OXNAD1: variants seen among roughly 807,000 people sequenced by gnomAD.
The protein encoded by OXNAD1 is oxidoreductase NAD binding domain containing 1.
A neutral mutation model predicts 32.9 loss-of-function variants in OXNAD1; 34 were observed. That is an observed-to-expected ratio of 1.03 (90% CI 0.79 to 1.38). The LOEUF is 1.38. OXNAD1 is among the 40% of genes most tolerant of loss of function. The pLI is 0.00. For synonymous variants in OXNAD1, 134 were observed against 135.2 expected (o/e 0.99, Z 0.06); for missense variants, 407 against 379.4 (o/e 1.07, Z -0.60).
rs148689519 is a variant in OXNAD1, at chr3:16,335,359, C to A, written c.*31-1753C>A. ...GGAAGGAATCAGCCCTTGGACAATC[C>A]TGCATGGGAAACAGGCTTAAGAAGG... On this transcript the variant is annotated intron_variant, in intron 9 of 9. Coordinates refer to the OXNAD1 transcript ENST00000435829. This position sits in a 1 kb window ranked among gnomAD's most constrained non-coding sequence, Gnocchi z 4.7. 1.1e-3 allele frequency among the ~76,000 whole-genome samples: 170 copies of A among 152,306 alleles called. No homozygotes were observed. The highest frequency in any genetic ancestry group is 3.9e-3 in the African/African-American group (163 of 41,558).
rs1306183665 is a variant in OXNAD1, at chr3:16,295,477, ACT to A, written c.432+482_432+483del. 4.6e-5 allele frequency among the ~76,000 whole-genome samples: 7 copies of A among 152,168 alleles called. No individual in the cohort carries two copies. In the East Asian group the frequency reaches 1.4e-3, roughly 29 times the overall value. ...TATTTCAGTGTCTGGAAAGCTCTTC[ACT>A]CGGGATTCTGAGAGAGAATCCAATT... On this transcript the variant is annotated intron_variant, in intron 6 of 8. Coordinates refer to ENST00000285083, the MANE Select transcript of OXNAD1 (RefSeq NM_138381.5).
intron 5 of OXNAD1, among the ~76,000 whole-genome samples, chr3:16,286,844 T>G (rs973435281): frequency 1.3e-5 from 2 of 152,234 alleles, no homozygotes; most frequent in African/African-American, 2.4e-5. Flanking sequence ...AAAAGTAGTC[T>G]TCTTCGTGTC....
Position 16,349,214 on chromosome 3 carries a change from A to G in OXNAD1, c.*69A>G, listed in dbSNP as rs537374627. ...GCGGCCATCTCCAGAGACAAGAAGAAAAAGAATTTCAGAGGCTCAGAGGAA... is the reference window on the plus strand; with the variant it reads ...GCGGCCATCTCCAGAGACAAGAAGAGAAAGAATTTCAGAGGCTCAGAGGAA... On this transcript the variant is annotated 3_prime_UTR_variant, in exon 10 of 10. Transcript: ENST00000606098. 4.6e-5 allele frequency: 7 copies of G among 152,378 alleles called. No individual in the cohort carries two copies. In the East Asian group the frequency reaches 1.3e-3, roughly 29 times the overall value. 9.4% of individuals were successfully genotyped at this position (152,378 alleles called of 1,614,324 possible). A position where few individuals can be genotyped will look rare whatever the true frequency, so the allele number is the denominator to read the frequency against.
At position 16,304,200 on chromosome 3, in the gene OXNAD1, C is replaced by G. The variant is rs2067386920; in HGVS notation, c.*638C>G. ...TCCTGACTAATTGTTAGTTTCTTCT[C>G]AAATGAAACCCTTTCTGTGTCTTGG... is the stretch of plus-strand genomic sequence containing the variant. On this transcript the variant is annotated 3_prime_UTR_variant, in exon 9 of 9. Coordinates refer to ENST00000285083, the MANE Select transcript of OXNAD1 (RefSeq NM_138381.5). The surrounding 1 kb of genome is among the most constrained non-coding windows in gnomAD (Gnocchi z 4.6). The G allele has an allele frequency of 1.3e-5, 2 of 152,236 alleles. No homozygotes were observed. Among genetic ancestry groups the G allele is most frequent in the Admixed American group, 1.3e-4 (2 of 15,276 alleles). The allele number at this position is 152,236 out of a possible 1,614,324, so 9.4% of individuals were successfully genotyped here. A position where few individuals can be genotyped will look rare whatever the true frequency, so the allele number is the denominator to read the frequency against.
At chr3:16,347,161 C>T (rs991950043) in intron 9 of OXNAD1, among the ~76,000 whole-genome samples, 2 of 152,208 alleles carry the variant, frequency 1.3e-5, no homozygotes, top group African/African-American at 4.8e-5. Context: ...CACTATGGCT[C>T]CCTTCAACCC....
intron 9 of OXNAD1, among the ~76,000 whole-genome samples, chr3:16,326,352 C>A (rs1051801196): frequency 2.0e-5 from 3 of 152,230 alleles, no homozygotes; most frequent in African/African-American, 7.2e-5. Flanking sequence ...TCCTCAGCTG[C>A]AAAATGGGTT....
rs375946247 is a variant in OXNAD1 at position 16,316,814 on chromosome 3, A to C, written c.*30+13222A>C. 1.2e-4 allele frequency: 188 copies of C among 1,613,150 alleles called. No individual in the cohort carries two copies. The highest frequency in any genetic ancestry group is 1.5e-4 in the Non-Finnish European group (180 of 1,179,888). ...TTGGCAACTCACCTAGTTTTAGCAC[A>C]AATTGCCCAAGACTCAGTTTTCTTC... On this transcript the variant is annotated intron_variant, in intron 9 of 9. Transcript: ENST00000435829. This position sits in a 1 kb window ranked among gnomAD's most constrained non-coding sequence, Gnocchi z 4.5.
downstream of OXNAD1, among the ~76,000 whole-genome samples, chr3:16,309,127 A>T (rs972170932): frequency 5.3e-5 from 8 of 152,172 alleles, no homozygotes; most frequent in African/African-American, 1.9e-4. Flanking sequence ...GTACCTATAC[A>T]ACTATGTCTC....
intron 5 of OXNAD1, among the ~76,000 whole-genome samples, chr3:16,293,176 A>G (rs1394847862): frequency 2.0e-5 from 3 of 152,198 alleles, no homozygotes; most frequent in Non-Finnish European, 4.4e-5. Context: ...GCTTCCATTT[A>G]CTTAGATCTT....
chr3:16,337,036 G>C lies in OXNAD1; in HGVS notation c.*31-76G>C, dbSNP rs1358826761. 1 of 152,202 alleles carries C rather than the reference G, an allele frequency of 6.6e-6. No homozygotes were observed. Among genetic ancestry groups the C allele is most frequent in the Non-Finnish European group, 1.5e-5 (1 of 68,054 alleles). 9.4% of individuals were successfully genotyped at this position (152,202 alleles called of 1,614,324 possible). On this transcript the variant is annotated intron_variant, in intron 9 of 9. Coordinates refer to the OXNAD1 transcript ENST00000435829. The surrounding 1 kb of genome is among the most constrained non-coding windows in gnomAD (Gnocchi z 5.0). ...TCTTGGGACTTGCTCTGACAAATAG[G>C]ATATGGCAGATGTGACATTACGGTC...
chr3:16,333,412 A>T (rs890532769), intron 9 of OXNAD1, among the ~76,000 whole-genome samples: 1 of 152,248 alleles, frequency 6.6e-6, no homozygotes, highest in Non-Finnish European at 1.5e-5. Flanking sequence ...GATTACAATA[A>T]ATTTTAGTAA....
intron 4 of OXNAD1, among the ~76,000 whole-genome samples, chr3:16,278,050 A>G (rs2065471063): frequency 6.6e-6 from 1 of 152,184 alleles, no homozygotes; most frequent in Non-Finnish European, 1.5e-5. Context: ...ACTGAGCAAT[A>G]TATGCTCTGT....
rs898506428 is a variant in OXNAD1, at chr3:16,322,343, T to C, written c.*31-14769T>C. Among the ~76,000 whole-genome samples, 3 of 152,244 alleles carry C rather than the reference T, an allele frequency of 2.0e-5. No homozygotes were observed. The highest frequency in any genetic ancestry group is 6.5e-5 in the Admixed American group (1 of 15,286). The stretch of plus-strand genomic sequence containing the variant: ...CACAAGTGGGCTCCCCCTGGAGTTG[T>C]TGGCTGGTGAGGGGCTGCTCCAATC... On this transcript the variant is annotated intron_variant, in intron 9 of 9. Transcript: ENST00000435829. This position sits in a 1 kb window ranked among gnomAD's most constrained non-coding sequence, Gnocchi z 6.2.
In OXNAD1 at chr3:16,302,601, T is replaced by C. The variant is rs564878342; in HGVS notation, c.676-39T>C. ...GGTTGTGCACATCTGTTTTGATTTT[T>C]TAAAATTGTAGTGTGACCAAATATG... On this transcript the variant is annotated intron_variant, in intron 7 of 8. Transcript: ENST00000285083. This position sits in a 1 kb window ranked among gnomAD's most constrained non-coding sequence, Gnocchi z 4.2. 3 of 1,437,656 alleles carry C rather than the reference T, an allele frequency of 2.1e-6. No individual in the cohort carries two copies. Among genetic ancestry groups the C allele is most frequent in the Non-Finnish European group, 2.9e-6 (3 of 1,032,254 alleles). 89.1% of individuals were successfully genotyped at this position (1,437,656 alleles called of 1,614,324 possible).
intron 2 of OXNAD1, among the ~76,000 whole-genome samples, chr3:16,270,090 C>G (rs758434929): frequency 6.6e-6 from 1 of 152,166 alleles, no homozygotes; most frequent in Non-Finnish European, 1.5e-5. Flanking sequence ...AAACAGAAAA[C>G]TACACAGATC....
intron 5 of OXNAD1, among the ~76,000 whole-genome samples, chr3:16,294,248 G>A (rs932766185): frequency 6.6e-6 from 1 of 151,662 alleles, no homozygotes; most frequent in Non-Finnish European, 1.5e-5. Context: ...TGTTGCCCAG[G>A]CTGGAGTGCA....
intron 9 of OXNAD1, among the ~76,000 whole-genome samples, chr3:16,330,365 A>G (rs962310171): frequency 2.0e-5 from 3 of 152,238 alleles, no homozygotes; most frequent in Non-Finnish European, 2.9e-5. Context: ...TAGTAAAGAG[A>G]TGGCATTTCT....
rs1009847462 is a variant in OXNAD1 at position 16,348,547 on chromosome 3, C to T, written c.*31-629C>T. Among the ~76,000 whole-genome samples, 3 of 152,082 alleles carry T rather than the reference C, an allele frequency of 2.0e-5. No individual in the cohort carries two copies. Among genetic ancestry groups the T allele is most frequent in the Non-Finnish European group, 4.4e-5 (3 of 67,992 alleles). ...TCAGTCTCTGCTCTCTCCCAGGGCA[C>T]TTCTGGTCAGCAGGGCACAATTAGC... On this transcript the variant is annotated intron_variant, in intron 9 of 9. Coordinates refer to the OXNAD1 transcript ENST00000606098. This position sits in a 1 kb window ranked among gnomAD's most constrained non-coding sequence, Gnocchi z 6.3.
chr3:16,294,531 G>T (rs1187219000), intron 5 of OXNAD1, among the ~76,000 whole-genome samples: 1 of 152,092 alleles, frequency 6.6e-6, no homozygotes, highest in Non-Finnish European at 1.5e-5. Context: ...TTTCTTTGTG[G>T]GAAGTTTTAA....
Sources: gnomAD v4.1 joint callset for allele counts (sites outside exome capture counted in the v4.1 genomes callset) on GRCh38, gnomAD v4.1.1 for gene constraint, Gnocchi (gnomAD v3.1) non-coding constraint, MANE v1.5 for transcripts, NCBI Gene and HGNC (gene_info 2026-07-23, HGNC 2026-07-21) for gene names.